DIP2C: variants seen among roughly 807,000 people sequenced by gnomAD.
DIP2C encodes disco-interacting protein 2 homolog C.
DIP2C carries 33 observed loss-of-function variants against 192.4 expected under a neutral mutation model. That is an observed-to-expected ratio of 0.17 (90% CI 0.13 to 0.23). DIP2C has a LOEUF of 0.23. DIP2C is among the 10% of genes least tolerant of loss of function. The probability of loss-of-function intolerance (pLI) is 1.00; values close to 1 mark genes in which losing one functional copy is unlikely to be tolerated. For synonymous variants in DIP2C, 979 were observed against 864.1 expected (o/e 1.13, Z -2.33); for missense variants, 1,537 against 2,110.1 (o/e 0.73, Z 5.32).
rs113140578 is a variant in DIP2C, at chr10:579,146, G to C, written c.86-92616C>G. 2.0e-4 allele frequency among the ~76,000 whole-genome samples: 30 copies of C among 151,460 alleles called. 2 individuals carry two copies. The highest frequency in any genetic ancestry group is 1.6e-3 in the East Asian group (8 of 5,082). On this transcript the variant is annotated intron_variant, in intron 1 of 36. Coordinates refer to ENST00000280886, the MANE Select transcript of DIP2C (RefSeq NM_014974.3). Reference sequence around the variant, plus strand: ...ACACTAACATGTGTACATGCGTAGAGCATACACCCAGATACAGTGTACAAA... The same window carrying C: ...ACACTAACATGTGTACATGCGTAGACCATACACCCAGATACAGTGTACAAA...
At chr10:289,194 G>C (rs1400604647) in intron 32 of DIP2C, among the ~76,000 whole-genome samples, 1 of 152,004 alleles carries the variant, frequency 6.6e-6, no homozygotes, top group Non-Finnish European at 1.5e-5. Context: ...AGGACGACAT[G>C]CCTCCCACCT....
chr10:587,154 C>T (rs919608123), intron 1 of DIP2C, among the ~76,000 whole-genome samples: 2 of 146,632 alleles, frequency 1.4e-5, no homozygotes, highest in Admixed American at 6.8e-5. Flanking sequence ...CCGGACCACC[C>T]GGGTCCCTGC....
intron 1 of DIP2C, among the ~76,000 whole-genome samples, chr10:495,092 G>A (rs1044998690): frequency 1.3e-5 from 2 of 152,170 alleles, no homozygotes; most frequent in African/African-American, 2.4e-5. Flanking sequence ...GATAAACCTG[G>A]AAGATATTAC....
chr10:498,114 C>T (rs1844974138), intron 1 of DIP2C, among the ~76,000 whole-genome samples: 2 of 152,232 alleles, frequency 1.3e-5, no homozygotes. Context: ...GATCCACCCA[C>T]CTAGACTTCC....
chr10:462,012 T>A (rs1969822158), intron 3 of DIP2C, among the ~76,000 whole-genome samples: 2 of 152,170 alleles, frequency 1.3e-5, no homozygotes, highest in South Asian at 4.1e-4. Context: ...CCAGAATCTC[T>A]GGGACACAGA....
At chr10:353,183 CACAA>C (rs929233963) in intron 24 of DIP2C, among the ~76,000 whole-genome samples, 18 of 98 alleles carry the variant, frequency 0.18, no homozygotes, top group South Asian at 0.43. Flanking sequence ...CACAGGGAAA[CACAA>C]AGAGTCTGCC....
intron 1 of DIP2C, among the ~76,000 whole-genome samples, chr10:497,266 T>C (rs1045712336): frequency 4.6e-5 from 7 of 152,244 alleles, no homozygotes; most frequent in African/African-American, 1.7e-4. Flanking sequence ...GCCATTCTTT[T>C]CTTTCTGAAT....
intron 31 of DIP2C, among the ~76,000 whole-genome samples, chr10:316,123 T>C (rs540157172): frequency 8.5e-5 from 13 of 152,334 alleles, no homozygotes; most frequent in African/African-American, 3.1e-4. Flanking sequence ...TCTCTGATAA[T>C]TGCAGCATGT....
intron 1 of DIP2C, among the ~76,000 whole-genome samples, chr10:582,410 A>T (rs1850726584): frequency 6.6e-6 from 1 of 152,214 alleles, no homozygotes. Context: ...ACAAGACCCC[A>T]TCCCTGCAAC....
chr10:396,927 C>G (rs1006971953), intron 10 of DIP2C, among the ~76,000 whole-genome samples: 14 of 152,074 alleles, frequency 9.2e-5, no homozygotes, highest in African/African-American at 3.4e-4. Context: ...CACGAGCATA[C>G]TCAGGAGGCC....
chr10:596,609 C>A (rs1413297388), intron 1 of DIP2C, among the ~76,000 whole-genome samples: 1 of 150,188 alleles, frequency 6.7e-6, no homozygotes, highest in Non-Finnish European at 1.5e-5. Context: ...AGATACATCA[C>A]AGGAGACGTA....
At chr10:432,572 T>G (rs542491194) in intron 4 of DIP2C, among the ~76,000 whole-genome samples, 31 of 152,358 alleles carry the variant, frequency 2.0e-4, no homozygotes, top group Non-Finnish European at 4.4e-4. Context: ...TGTATTTCTT[T>G]TTCTTGTTAA....
At chr10:449,797 AAG>A (rs1554860480) in intron 3 of DIP2C, among the ~76,000 whole-genome samples, 6 of 140,036 alleles carry the variant, frequency 4.3e-5, no homozygotes, top group African/African-American at 1.6e-4. Context: ...AAAAAAAAAA[AAG>A]AAGTAAACAC....
chr10:477,595 A>G (rs1467175174), intron 2 of DIP2C, among the ~76,000 whole-genome samples: 1 of 4,482 alleles, frequency 2.2e-4, no homozygotes, highest in African/African-American at 3.4e-4. Flanking sequence ...GGAGATGGGG[A>G]GGGAGGAAGG....
chr10:417,659 T>TCAGAGC (rs1564684590), intron 6 of DIP2C, among the ~76,000 whole-genome samples: 3 of 9,778 alleles, frequency 3.1e-4, no homozygotes. Flanking sequence ...TGTCCACCTG[T>TCAGAGC]TCCTGTCAGG....
intron 1 of DIP2C, among the ~76,000 whole-genome samples, chr10:566,328 C>T (rs1030636632): frequency 4.6e-5 from 7 of 152,180 alleles, no homozygotes; most frequent in Admixed American, 1.3e-4. Flanking sequence ...GTGACCCTCG[C>T]GGGGTAACCG....
At chr10:529,475 A>G (rs566746010) in intron 1 of DIP2C, among the ~76,000 whole-genome samples, 7 of 127,280 alleles carry the variant, frequency 5.5e-5, no homozygotes, top group East Asian at 3.5e-4. Flanking sequence ...AAAAGACACA[A>G]AAGTTAGTTC....
intron 3 of DIP2C, among the ~76,000 whole-genome samples, chr10:465,393 T>C (rs1387753395): frequency 6.0e-5 from 9 of 150,722 alleles, no homozygotes; most frequent in Admixed American, 2.0e-4. Flanking sequence ...TATTTCAAAA[T>C]AATAAGAGCT....
chr10:576,172 C>T (rs1183404589), intron 1 of DIP2C, among the ~76,000 whole-genome samples: 5 of 152,234 alleles, frequency 3.3e-5, no homozygotes, highest in African/African-American at 1.2e-4. Flanking sequence ...CAGAATGTCA[C>T]ATGTCCAGCA....
Sources: gnomAD v4.1 joint callset for allele counts (sites outside exome capture counted in the v4.1 genomes callset) on GRCh38, gnomAD v4.1.1 for gene constraint, MANE v1.5 for transcripts, NCBI Gene and HGNC (gene_info 2026-07-23, HGNC 2026-07-21) for gene names.